Variants in TCF12 observed in about 807,000 individuals in gnomAD.
The protein encoded by TCF12 is DNA-binding protein HTF4.
Under a neutral mutation model 86.0 loss-of-function variants are expected in TCF12, and 45 were observed. That is an observed-to-expected ratio of 0.52 (90% CI 0.41 to 0.67). TCF12 has a LOEUF of 0.67. Among genes scored for constraint, TCF12 ranks in the 30% least tolerant of loss-of-function variants. The pLI is 0.00. For missense variants in TCF12, 881 were observed against 859.9 expected (o/e 1.02, Z -0.31); for synonymous variants, 330 against 299.6 (o/e 1.10, Z -1.05).
At chr15:57,113,778 T>TAAAA (rs34582402) in intron 5 of TCF12, among the ~76,000 whole-genome samples, 3 of 95,792 alleles carry the variant, frequency 3.1e-5, no homozygotes, top group Non-Finnish European at 5.8e-5. Flanking sequence ...CGTCTCTACT[T>TAAAA]AAAAAAAAAA....
At chr15:57,279,664 C>G (rs891325163) in intron 19 of TCF12, among the ~76,000 whole-genome samples, 55 of 152,168 alleles carry the variant, frequency 3.6e-4, no homozygotes, top group African/African-American at 1.2e-3. Context: ...GTTTTTGGTG[C>G]TGATCCTTCC....
chr15:57,063,572 A>C (rs1283394548), intron 3 of TCF12, among the ~76,000 whole-genome samples, 178 bp from the exon 4 acceptor site: 1 of 152,226 alleles, frequency 6.6e-6, no homozygotes, highest in Non-Finnish European at 1.5e-5. Context: ...TTGATGGAGC[A>C]ATGATGAAGA....
intron 3 of TCF12, among the ~76,000 whole-genome samples, chr15:57,038,370 G>A (rs2066651993): frequency 6.6e-6 from 1 of 150,588 alleles, no homozygotes; most frequent in African/African-American, 2.4e-5. Context: ...GGAGGTTGCA[G>A]TGAGCCATGA....
chr15:57,063,834 TG>T lies in TCF12; in HGVS notation c.222+12del, dbSNP rs1287664630. 3 of 1,570,690 alleles carry T rather than the reference TG, an allele frequency of 1.9e-6. No homozygotes were observed. The highest frequency in any genetic ancestry group is 4.5e-5 in the East Asian group (2 of 44,242). On this transcript the variant is annotated intron_variant, in intron 4 of 20. Transcript: ENST00000333725. The stretch of plus-strand genomic sequence containing the variant: ...TATGATTCATCTAGAGTAAGTTTGC[TG>T]ATCAACCCTTGATTAAAGCTGTAAT...
intron 4 of TCF12, among the ~76,000 whole-genome samples, chr15:57,066,052 TAAG>T (rs1448615760): frequency 6.6e-6 from 1 of 152,150 alleles, no homozygotes; most frequent in Non-Finnish European, 1.5e-5. Flanking sequence ...GTGAGATAGT[TAAG>T]AAGTTTTTCG....
chr15:57,217,565 T>C (rs1424705334), intron 8 of TCF12, among the ~76,000 whole-genome samples: 1 of 152,144 alleles, frequency 6.6e-6, no homozygotes, highest in East Asian at 1.9e-4. Flanking sequence ...TTAACCAATA[T>C]AAGAAAGTTT....
intron 3 of TCF12, among the ~76,000 whole-genome samples, chr15:56,993,861 A>G (rs1246030748): frequency 2.0e-5 from 3 of 152,226 alleles, no homozygotes; most frequent in Non-Finnish European, 4.4e-5. Flanking sequence ...ATAATCCAAA[A>G]TTAGCTAACA....
intron 9 of TCF12, 133 bp from the exon 10 acceptor site, chr15:57,232,158 C>T (rs910538903): frequency 2.6e-5 from 23 of 876,792 alleles, no homozygotes; most frequent in Non-Finnish European, 3.7e-5. Flanking sequence ...GAGGGAAGAA[C>T]AGTGGGTAGA....
intron 8 of TCF12, among the ~76,000 whole-genome samples, chr15:57,204,363 A>G (rs2057707634): frequency 6.6e-6 from 1 of 151,702 alleles, no homozygotes; most frequent in Non-Finnish European, 1.5e-5. Flanking sequence ...AGGCAGGAGT[A>G]TCTCTTGATA....
At chr15:57,033,535 A>T (rs1380772927) in intron 3 of TCF12, among the ~76,000 whole-genome samples, 1 of 152,108 alleles carries the variant, frequency 6.6e-6, no homozygotes, top group African/African-American at 2.4e-5. Flanking sequence ...TGGTGGCAAG[A>T]TACTGACTTT....
At chr15:57,088,951 T>C (rs938841383) in intron 4 of TCF12, among the ~76,000 whole-genome samples, 3 of 152,202 alleles carry the variant, frequency 2.0e-5, no homozygotes, top group Admixed American at 6.5e-5. Flanking sequence ...TCATAACTAT[T>C]CATCTTGTTT....
At chr15:57,099,076 A>C (rs533460189) in intron 5 of TCF12, among the ~76,000 whole-genome samples, 3 of 152,318 alleles carry the variant, frequency 2.0e-5, no homozygotes, top group Middle Eastern at 3.4e-3. Context: ...AGTGGTATGG[A>C]ATGTTTTTAA....
chr15:57,249,437 G>A (rs1245563387), intron 13 of TCF12, among the ~76,000 whole-genome samples: 1 of 151,452 alleles, frequency 6.6e-6, no homozygotes, highest in African/African-American at 2.4e-5. Context: ...ATTAACTGAA[G>A]TGCATATTTT....
At chr15:57,279,175 G>T (rs532961807) in intron 19 of TCF12, among the ~76,000 whole-genome samples, 1 of 151,060 alleles carries the variant, frequency 6.6e-6, no homozygotes, top group East Asian at 2.0e-4. Flanking sequence ...TTAAATTTTT[G>T]TAGAGACAGG....
chr15:57,077,843 A>ATT (rs1487077431), intron 4 of TCF12, among the ~76,000 whole-genome samples: 8 of 151,392 alleles, frequency 5.3e-5, no homozygotes, highest in Non-Finnish European at 1.2e-4. Context: ...CTTCAAATTT[A>ATT]TTGACAAGAT....
intron 6 of TCF12, among the ~76,000 whole-genome samples, chr15:57,175,389 G>T (rs776957613): frequency 1.4e-4 from 22 of 152,066 alleles, no homozygotes; most frequent in Non-Finnish European, 2.8e-4. Flanking sequence ...ACTCTGTAAG[G>T]TTAGCTAAGG....
chr15:57,276,170 A>G (rs537966549), intron 19 of TCF12, among the ~76,000 whole-genome samples: 1 of 152,182 alleles, frequency 6.6e-6, no homozygotes, highest in Non-Finnish European at 1.5e-5. Flanking sequence ...TTAGATTTTC[A>G]GTTTCCTGTT....
At chr15:57,170,675 A>ATATTATATATAATATATATTAT (rs1486411354) in intron 6 of TCF12, among the ~76,000 whole-genome samples, 1 of 9,472 alleles carries the variant, frequency 1.1e-4, no homozygotes, top group African/African-American at 5.5e-4. Flanking sequence ...ATATATATAT[A>ATATTATATATAATATATATTAT]ATATATTATA....
intron 2 of TCF12, among the ~76,000 whole-genome samples, chr15:56,920,334 GT>G (rs2059726037): frequency 6.6e-6 from 1 of 152,068 alleles, no homozygotes; most frequent in African/African-American, 2.4e-5. Context: ...ATGAAAAAGT[GT>G]TGTTTTTTTC....
Sources: allele counts gnomAD v4.1 joint callset (sites outside exome capture counted in the v4.1 genomes callset), GRCh38; gene constraint gnomAD v4.1.1; transcripts MANE v1.5; gene names NCBI Gene and HGNC (gene_info 2026-07-23, HGNC 2026-07-21).